KAT6A: variants seen among roughly 807,000 people sequenced by gnomAD.
The protein encoded by KAT6A is histone acetyltransferase KAT6A.
KAT6A carries 9 observed loss-of-function variants against 198.4 expected under a neutral mutation model. The observed-to-expected ratio is 0.05, with a 90% CI of 0.03 to 0.08. The LOEUF is 0.08. Among genes scored for constraint, KAT6A ranks in the 10% least tolerant of loss-of-function variants. The pLI, the probability that KAT6A is intolerant of heterozygous loss-of-function variation, is 1.00. For missense variants in KAT6A, 2,077 were observed against 2,509.9 expected, an observed-to-expected ratio of 0.83 and a Z score of 3.69; for synonymous variants, 890 against 883.0, an observed-to-expected ratio of 1.01 and a Z score of -0.14.
chr8:41,989,561 G>GTGACGTGACGTAACA (rs1554690602), intron 2 of KAT6A, among the ~76,000 whole-genome samples: 1 of 151,762 alleles, frequency 6.6e-6, no homozygotes, highest in Non-Finnish European at 1.5e-5. Flanking sequence ...GTGACGTGAC[G>GTGACGTGACGTAACA]TAACATAACA....
In KAT6A at chr8:41,930,662, T is replaced by G. The variant is rs951557862; in HGVS notation, c.*1543A>C. The stretch of plus-strand genomic sequence containing the variant: ...TATAATAGTTTCCATCTTCTAATGA[T>G]GGAATATATATATATATATATGTGT... On this transcript the variant is annotated 3_prime_UTR_variant, in exon 17 of 17. Coordinates refer to ENST00000265713, the MANE Select transcript of KAT6A (RefSeq NM_006766.5). 12 of 166,454 alleles carry G rather than the reference T, an allele frequency of 7.2e-5. No individual in the cohort carries two copies. Among genetic ancestry groups the G allele is most frequent in the Non-Finnish European group, 1.5e-4 (12 of 79,868 alleles). The allele number at this position is 166,454 out of a possible 1,614,324, so 10.3% of individuals were successfully genotyped here. A position where few individuals can be genotyped will look rare whatever the true frequency, so the allele number is the denominator to read the frequency against.
intron 1 of KAT6A, 92 bp downstream of exon 1, chr8:42,051,809 C>T (rs1402574726): frequency 6.8e-6 from 1 of 147,430 alleles, no homozygotes; most frequent in African/African-American, 2.5e-5. Flanking sequence ...AGCGGCCCGC[C>T]GACCCCGCGA....
Position 41,941,045 on chromosome 8 carries a change from G to C in KAT6A, c.2836C>G (p.Pro946Ala), listed in dbSNP as rs1344841103. 5 of 1,613,978 alleles carry C rather than the reference G, an allele frequency of 3.1e-6. No homozygotes were observed. The highest frequency in any genetic ancestry group is 1.7e-5 in the Admixed American group (1 of 59,988). ...CTTTTCTTGAGCTGTCCTCGCCAGG[G>C]CTCAACCCCCTCACTGAGTCTTCTC... The part of the protein sequence containing the change: ...PKRRLSEGVE[P>A]WRGQLKKSPE... The change falls in exon 15 of 17, where the codon CCC (proline) becomes GCC (alanine). Residue 946 changes from proline to alanine, a missense_variant. By Grantham distance (27) the Pro-to-Ala change is conservative (BLOSUM62 -1). This residue lies in a region of KAT6A where 301 missense variants were observed against 272.2 expected (regional missense o/e 1.11). Transcript: ENST00000265713.
chr8:41,976,274 A>G (rs1326429024), intron 7 of KAT6A, among the ~76,000 whole-genome samples: 2 of 152,188 alleles, frequency 1.3e-5, no homozygotes, highest in Non-Finnish European at 1.5e-5. Flanking sequence ...TACTTTCTTC[A>G]AGCCCTTTCT....
At chr8:42,041,815 A>G (rs952732460) in intron 2 of KAT6A, among the ~76,000 whole-genome samples, 1 of 149,864 alleles carries the variant, frequency 6.7e-6, no homozygotes, top group African/African-American at 2.4e-5. Context: ...AGATCAATCC[A>G]TTTCACACTT....
At chr8:41,992,192 TGTC>T (rs1014527938) in intron 2 of KAT6A, among the ~76,000 whole-genome samples, 3 of 151,164 alleles carry the variant, frequency 2.0e-5, no homozygotes, top group African/African-American at 7.3e-5. Flanking sequence ...AGAGCGAGAC[TGTC>T]TTTAAAAAAA....
chr8:42,014,932 G>A (rs961995979), intron 2 of KAT6A, among the ~76,000 whole-genome samples: 11 of 152,236 alleles, frequency 7.2e-5, no homozygotes, highest in Non-Finnish European at 1.0e-4. Flanking sequence ...TCAGGATTAC[G>A]CTAGGAAAGG....
chr8:41,951,184 C>A lies in KAT6A; in HGVS notation c.1599-1821G>T, dbSNP rs867782968. On this transcript the variant is annotated intron_variant, in intron 9 of 16. Transcript: ENST00000265713. ...TTATTGATGATTAAAAAAAAAAAAA[C>A]AAAACTTTAGTGAACCTTATTATGT... is the stretch of plus-strand genomic sequence containing the variant. Among the ~76,000 whole-genome samples the A allele has an allele frequency of 4.4e-3, 633 of 145,304 alleles. 4 individuals are homozygous for A. Among genetic ancestry groups the A allele is most frequent in the South Asian group, 0.01 (46 of 4,554 alleles).
At chr8:42,037,217 C>T (rs1827423875) in intron 2 of KAT6A, among the ~76,000 whole-genome samples, 1 of 152,160 alleles carries the variant, frequency 6.6e-6, no homozygotes, top group African/African-American at 2.4e-5. Context: ...CCAAGTACCA[C>T]TGCTTTCCAA....
chr8:41,950,534 G>C, intron 9 of KAT6A, among the ~76,000 whole-genome samples: 1 of 152,182 alleles, frequency 6.6e-6, no homozygotes, highest in East Asian at 1.9e-4. Flanking sequence ...GTCACAGCAT[G>C]AAGATACAGA....
At chr8:41,949,410 G>A (rs1822561401) in intron 9 of KAT6A, 47 bp from the exon 10 acceptor site, 4 of 1,357,392 alleles carry the variant, frequency 2.9e-6, no homozygotes, top group African/African-American at 3.0e-5. Flanking sequence ...ATATTTTAGA[G>A]TACTTCAAAC....
In KAT6A at chr8:41,936,678, A is replaced by T. The variant is rs188634988; in HGVS notation, c.3352+578T>A. Among the ~76,000 whole-genome samples the T allele has an allele frequency of 1.1e-4, 17 of 152,356 alleles. 1 individual carries two copies. The highest frequency in any genetic ancestry group is 3.9e-4 in the Admixed American group (6 of 15,300). On this transcript the variant is annotated intron_variant, in intron 16 of 16. Coordinates refer to ENST00000265713, the MANE Select transcript of KAT6A (RefSeq NM_006766.5). Reference sequence around the variant, plus strand: ...TATCTATACTATAAAATTTATTTTGAGTTATTGTTACCATTTGTGAGAAAT... The same window carrying T: ...TATCTATACTATAAAATTTATTTTGTGTTATTGTTACCATTTGTGAGAAAT...
rs1821448247 is a variant in KAT6A, at chr8:41,930,055, C to T, written c.*2150G>A. On this transcript the variant is annotated 3_prime_UTR_variant, in exon 17 of 17. Coordinates refer to ENST00000265713, the MANE Select transcript of KAT6A (RefSeq NM_006766.5). ...ATTTCTTTTATAATATAGAAAAGAA[C>T]TTTTTTTTTCTACAATAGTTCTACA... The T allele has an allele frequency of 4.4e-6, 1 of 226,190 alleles. No homozygotes were observed. The highest frequency in any genetic ancestry group is 2.2e-5 in the African/African-American group (1 of 44,750). 14.0% of individuals were successfully genotyped at this position (226,190 alleles called of 1,614,324 possible). A position where few individuals can be genotyped will look rare whatever the true frequency, so the allele number is the denominator to read the frequency against.
chr8:41,940,831 A>T lies in KAT6A; in HGVS notation c.3039+11T>A, dbSNP rs1822078003. 6.3e-7 allele frequency: 1 copy of T among 1,596,396 alleles called. No individual in the cohort carries two copies. Among genetic ancestry groups the T allele is most frequent in the African/African-American group, 1.3e-5 (1 of 74,464 alleles). ...TTGGAGGAAGAGAAGACCTGGAAAG[A>T]AATGCGTTACCTTTCGCTTCAGCGT... On this transcript the variant is annotated intron_variant, in intron 15 of 16. Coordinates refer to ENST00000265713, the MANE Select transcript of KAT6A (RefSeq NM_006766.5).
At position 42,010,524 on chromosome 8, in the gene KAT6A, T is replaced by C. The variant is rs572018685; in HGVS notation, c.601-22961A>G. Among the ~76,000 whole-genome samples the C allele has an allele frequency of 6.6e-5, 10 of 152,290 alleles. No homozygotes were observed. The East Asian group carries it at 1.9e-3, about 29-fold the overall frequency. On this transcript the variant is annotated intron_variant, in intron 2 of 16. Transcript: ENST00000265713. The stretch of plus-strand genomic sequence containing the variant: ...AAAGATTCAAGAAAACCCAGAGCTC[T>C]GCCTGGCTTTCTTCCACACACACGT...
intron 2 of KAT6A, among the ~76,000 whole-genome samples, chr8:42,037,199 A>T (rs997437): frequency 0.1 from 15,936 of 152,220 alleles, 1,075 homozygotes; most frequent in East Asian, 0.24. Context: ...GCTAAAGTGA[A>T]TTTAGTGCCA....
rs1320782499 is a variant in KAT6A at position 42,048,535 on chromosome 8, C to A, written c.443G>T (p.Arg148Leu). Reference sequence around the variant, plus strand: ...GCCAATGGCACGTTTGATAGCCAATCGTAACTGCTGGTGAAAGCCAGAGGC... The same window carrying A: ...GCCAATGGCACGTTTGATAGCCAATAGTAACTGCTGGTGAAAGCCAGAGGC... ...SAASGFHQQL[R>L]LAIKRAIGHG... The change falls in exon 2 of 17, where the codon CGA (arginine) becomes CTA (leucine). Residue 148 changes from arginine to leucine, a missense_variant. Physicochemically the swap from Arg to Leu is moderately radical, Grantham distance 102. Transcript: ENST00000265713. The A allele has an allele frequency of 6.2e-7, 1 of 1,614,148 alleles. No homozygotes were observed.
intron 9 of KAT6A, among the ~76,000 whole-genome samples, chr8:41,953,944 C>A (rs1822795258): frequency 6.6e-6 from 1 of 152,104 alleles, no homozygotes; most frequent in Non-Finnish European, 1.5e-5. Context: ...TACAATGTAA[C>A]CTTATCTTAA....
chr8:41,995,283 A>G (rs986709453), intron 2 of KAT6A, among the ~76,000 whole-genome samples: 1 of 152,218 alleles, frequency 6.6e-6, no homozygotes, highest in Non-Finnish European at 1.5e-5. Context: ...CAATCTCACA[A>G]AGTGATTTCA....
Sources: allele counts gnomAD v4.1 joint callset (sites outside exome capture counted in the v4.1 genomes callset), GRCh38; gene constraint gnomAD v4.1.1; regional missense constraint gnomAD v4.1.1; transcripts MANE v1.5; gene names NCBI Gene and HGNC (gene_info 2026-07-23, HGNC 2026-07-21).